The following TRIM2 variants were observed in gnomAD, a reference collection of about 807,000 sequenced individuals.
The protein encoded by TRIM2 is tripartite motif containing 2, also known as tripartite motif-containing protein 2.
Under a neutral mutation model 75.2 loss-of-function variants are expected in TRIM2, and 20 were observed. The observed-to-expected ratio is 0.27, with a 90% CI of 0.19 to 0.39. The LOEUF is 0.39. TRIM2 is among the 10% of genes least tolerant of loss of function. The probability of loss-of-function intolerance (pLI) is 1.00; values close to 1 mark genes in which losing one functional copy is unlikely to be tolerated. For synonymous variants in TRIM2, 373 were observed against 388.3 expected (o/e 0.96, Z 0.46); for missense variants, 660 against 990.8 (o/e 0.67, Z 4.48).
intron 1 of TRIM2, among the ~76,000 whole-genome samples, chr4:153,160,791 A>G (rs547112180): frequency 1.3e-4 from 20 of 152,214 alleles, no homozygotes; most frequent in Non-Finnish European, 2.5e-4. Flanking sequence ...TCATAGAGAC[A>G]AGGGTCTCTG....
At chr4:153,323,735 T>C (rs1769503686) in intron 9 of TRIM2, among the ~76,000 whole-genome samples, 1 of 152,160 alleles carries the variant, frequency 6.6e-6, no homozygotes, top group Admixed American at 6.5e-5. Context: ...GGCTCTAAAA[T>C]GACTAACAGA....
chr4:153,214,391 G>A (rs893713402), intron 1 of TRIM2, among the ~76,000 whole-genome samples: 6 of 152,280 alleles, frequency 3.9e-5, no homozygotes, highest in African/African-American at 1.4e-4. Context: ...ACTCTTTTCT[G>A]TCCATTTTAA....
intron 6 of TRIM2, among the ~76,000 whole-genome samples, chr4:153,296,663 C>G (rs903016490): frequency 1.3e-5 from 2 of 152,168 alleles, no homozygotes; most frequent in Non-Finnish European, 2.9e-5. Flanking sequence ...AGAAGGTACC[C>G]GATGAGCCAA....
chr4:153,317,655 GA>G (rs11316229), intron 8 of TRIM2, among the ~76,000 whole-genome samples: 55,398 of 130,156 alleles, frequency 0.43, 10,401 homozygotes, highest in Middle Eastern at 0.52. Context: ...GTCTCAAAAA[GA>G]AAAAAAAAAA....
intron 1 of TRIM2, among the ~76,000 whole-genome samples, chr4:153,261,117 T>TG (rs1753455672): frequency 6.6e-6 from 1 of 152,168 alleles, no homozygotes; most frequent in Non-Finnish European, 1.5e-5. Flanking sequence ...CATGTCTGCA[T>TG]GAGAACAATA....
In TRIM2 at chr4:153,248,133, T is replaced by C. The variant is rs1273247236; in HGVS notation, c.31-22202T>C. ...GCTTCAGCCTCCTGAATAGCTGGGA[T>C]TACAGGCGCCTGCCACCATGCCCGG... On this transcript the variant is annotated intron_variant, in intron 1 of 11. Coordinates refer to ENST00000338700, the MANE Select transcript of TRIM2 (RefSeq NM_015271.5). This position sits in a 1 kb window ranked among gnomAD's most constrained non-coding sequence, Gnocchi z 4.0. 6.6e-6 allele frequency among the ~76,000 whole-genome samples: 1 copy of C among 151,960 alleles called. No individual in the cohort carries two copies. The highest frequency in any genetic ancestry group is 2.4e-5 in the African/African-American group (1 of 41,346).
chr4:153,223,723 C>G (rs1440262876), intron 1 of TRIM2, among the ~76,000 whole-genome samples: 2 of 152,214 alleles, frequency 1.3e-5, no homozygotes, highest in Non-Finnish European at 2.9e-5. Context: ...TGTAATCCAA[C>G]CCCATGGAGC....
At chr4:153,249,045 G>C (rs1475628018) in intron 1 of TRIM2, among the ~76,000 whole-genome samples, 1 of 152,262 alleles carries the variant, frequency 6.6e-6, no homozygotes, top group Non-Finnish European at 1.5e-5. Flanking sequence ...GGCCAGGCGG[G>C]GGCGATCCCC....
chr4:153,232,980 C>G (rs2149807406), intron 1 of TRIM2, among the ~76,000 whole-genome samples: 1 of 152,266 alleles, frequency 6.6e-6, no homozygotes, highest in African/African-American at 2.4e-5. Flanking sequence ...CCACTGGAAA[C>G]CTAAGCCAGC....
intron 3 of TRIM2, among the ~76,000 whole-genome samples, chr4:153,286,658 T>C (rs1369901855): frequency 6.6e-6 from 1 of 152,078 alleles, no homozygotes; most frequent in Admixed American, 6.6e-5. Flanking sequence ...TTCTATGATG[T>C]CAGTAGTAAT....
intron 1 of TRIM2, among the ~76,000 whole-genome samples, chr4:153,229,245 AT>A (rs1346354836): frequency 6.6e-6 from 1 of 152,060 alleles, no homozygotes; most frequent in East Asian, 1.9e-4. Flanking sequence ...AATATTCTGA[AT>A]TTTTTTGTTT....
At chr4:153,305,199 G>A (rs886796139) in intron 6 of TRIM2, among the ~76,000 whole-genome samples, 14 of 152,200 alleles carry the variant, frequency 9.2e-5, no homozygotes, top group Non-Finnish European at 1.9e-4. Flanking sequence ...CCCCAACACT[G>A]CTACTTTTCT....
intron 1 of TRIM2, among the ~76,000 whole-genome samples, chr4:153,197,670 G>A (rs1192639435): frequency 2.0e-5 from 3 of 152,042 alleles, no homozygotes; most frequent in Non-Finnish European, 4.4e-5. Context: ...TCAGGAGTTC[G>A]AGACCAGCCT....
chr4:153,202,084 A>G (rs528834525), upstream of TRIM2, among the ~76,000 whole-genome samples: 220 of 152,370 alleles, frequency 1.4e-3, no homozygotes, highest in African/African-American at 4.9e-3. Context: ...CAAATTAAAC[A>G]CCAGTGGCAG....
Position 153,320,996 on chromosome 4 carries a change from G to C in TRIM2, c.1783-1652G>C, listed in dbSNP as rs531367715. ...CAACACGTCAAGCCTGGGTGCCAGGGAGAACTGTGGTTCTTATAGTTTCCC... is the reference window on the plus strand; with the variant it reads ...CAACACGTCAAGCCTGGGTGCCAGGCAGAACTGTGGTTCTTATAGTTTCCC... On this transcript the variant is annotated intron_variant, in intron 8 of 11. Coordinates refer to ENST00000338700, the MANE Select transcript of TRIM2 (RefSeq NM_015271.5). Among the ~76,000 whole-genome samples, 4 of 152,316 alleles carry C rather than the reference G, an allele frequency of 2.6e-5. No individual in the cohort carries two copies. The South Asian group carries it at 8.3e-4, about 32-fold the overall frequency.
At chr4:153,225,238 T>G (rs980940076) in intron 1 of TRIM2, among the ~76,000 whole-genome samples, 1 of 152,242 alleles carries the variant, frequency 6.6e-6, no homozygotes, top group Non-Finnish European at 1.5e-5. Flanking sequence ...ATGTCTTAGA[T>G]TATAAATTCC....
intron 1 of TRIM2, among the ~76,000 whole-genome samples, chr4:153,187,614 T>C (rs1211671928): frequency 2.0e-5 from 3 of 152,192 alleles, no homozygotes; most frequent in Admixed American, 6.5e-5. Flanking sequence ...AATGCAGTTT[T>C]TCAGTAGGCC....
At chr4:153,185,641 T>C (rs907210127) in intron 1 of TRIM2, among the ~76,000 whole-genome samples, 5 of 152,332 alleles carry the variant, frequency 3.3e-5, no homozygotes, top group Middle Eastern at 3.4e-3. Context: ...GTAGCATTTA[T>C]TGAGTTTCTG....
At chr4:153,317,351 TA>T (rs1188360508) in intron 8 of TRIM2, among the ~76,000 whole-genome samples, 1 of 151,480 alleles carries the variant, frequency 6.6e-6, no homozygotes, top group African/African-American at 2.4e-5. Context: ...AATTTTGATT[TA>T]AAAAAGATCT....
Sources: allele counts gnomAD v4.1 joint callset (sites outside exome capture counted in the v4.1 genomes callset), GRCh38; gene constraint gnomAD v4.1.1; non-coding constraint Gnocchi (gnomAD v3.1); transcripts MANE v1.5; gene names NCBI Gene and HGNC (gene_info 2026-07-23, HGNC 2026-07-21).